The following RAB3GAP1 variants were observed in gnomAD, a reference collection of about 807,000 sequenced individuals.
RAB3GAP1 encodes rab3 GTPase-activating protein catalytic subunit.
Under a neutral mutation model 130.7 loss-of-function variants are expected in RAB3GAP1, and 86 were observed. The observed-to-expected ratio is 0.66, with a 90% CI of 0.55 to 0.79. RAB3GAP1 has a LOEUF of 0.79. Ranked by LOEUF, RAB3GAP1 falls within the 30% of genes least tolerant of loss-of-function variation. The pLI is 0.00. For synonymous variants in RAB3GAP1, 367 were observed against 401.7 expected, an observed-to-expected ratio of 0.91 and a Z score of 1.03; for missense variants, 1,029 against 1,169.4, an observed-to-expected ratio of 0.88 and a Z score of 1.75.
At chr2:135,125,964 T>A (rs2104935686) in intron 9 of RAB3GAP1, among the ~76,000 whole-genome samples, 1 of 152,352 alleles carries the variant, frequency 6.6e-6, no homozygotes, top group South Asian at 2.1e-4. Context: ...GGGTTATTTA[T>A]GCTTTTTGGC....
chr2:135,081,396 A>G (rs1689817261), intron 3 of RAB3GAP1, among the ~76,000 whole-genome samples: 1 of 138,822 alleles, frequency 7.2e-6, no homozygotes, highest in Admixed American at 7.5e-5. Context: ...ATATATGTAT[A>G]TATGTGTGTG....
At chr2:135,097,953 C>T (rs1690345165) in intron 5 of RAB3GAP1, among the ~76,000 whole-genome samples, 1 of 152,122 alleles carries the variant, frequency 6.6e-6, no homozygotes. Flanking sequence ...TAGGAAACTG[C>T]AAAACATTTC....
rs901991646 is a variant in RAB3GAP1, at chr2:135,126,327, A to G, written c.899+78A>G. ...AACTCTCAAATTGCTAGTAATTTTT[A>G]TATGCATTTTTTATTATTTTGTTTT... On this transcript the variant is annotated intron_variant, in intron 10 of 23. Coordinates refer to ENST00000264158, the MANE Select transcript of RAB3GAP1 (RefSeq NM_012233.3). 3.0e-5 allele frequency: 34 copies of G among 1,152,320 alleles called. No homozygotes were observed. The African/African-American group carries it at 4.7e-4, about 16-fold the overall frequency. 71.4% of individuals were successfully genotyped at this position (1,152,320 alleles called of 1,614,324 possible).
At chr2:135,129,956 T>C in intron 11 of RAB3GAP1, 39 bp from the exon 12 acceptor site, 1 of 1,327,618 alleles carries the variant, frequency 7.5e-7, no homozygotes, top group Non-Finnish European at 1.1e-6. Flanking sequence ...TTTTTTTTTT[T>C]TCAGTTAAGT....
intron 5 of RAB3GAP1, among the ~76,000 whole-genome samples, chr2:135,097,037 T>C (rs1347086540): frequency 1.3e-5 from 2 of 152,156 alleles, no homozygotes. Context: ...ATCAACGTAG[T>C]AAAATTGGAC....
Position 135,135,655 on chromosome 2 carries a change from C to T in RAB3GAP1, c.1646C>T (p.Ala549Val), listed in dbSNP as rs1691658042. 1 of 1,613,474 alleles carries T rather than the reference C, an allele frequency of 6.2e-7. No homozygotes were observed. Among genetic ancestry groups the T allele is most frequent in the East Asian group, 2.2e-5 (1 of 44,878 alleles). ...GTCACTAATATATATCCAGGGGATG[C>T]TGGAAAAGCAGGAGACCAGTTGGTG... ...SDVTNIYPGD[A>V]GKAGDQLVPD... Residue 549 changes from alanine to valine, a missense_variant, in exon 17 of 24, where the codon GCT becomes GTT. Coordinates refer to ENST00000264158, the MANE Select transcript of RAB3GAP1 (RefSeq NM_012233.3).
intron 3 of RAB3GAP1, among the ~76,000 whole-genome samples, chr2:135,069,453 T>C (rs1689409032): frequency 6.6e-6 from 1 of 152,196 alleles, no homozygotes; most frequent in African/African-American, 2.4e-5. Flanking sequence ...AGGTTTTTGA[T>C]TTAGTGATTT....
downstream of RAB3GAP1, among the ~76,000 whole-genome samples, chr2:135,174,738 T>C (rs1692957820): frequency 1.3e-5 from 2 of 152,266 alleles, no homozygotes; most frequent in Admixed American, 6.5e-5. Flanking sequence ...CTGTGTTATC[T>C]TGCCTATATG....
chr2:135,066,431 A>T (rs1007063076), intron 3 of RAB3GAP1, among the ~76,000 whole-genome samples: 2 of 152,242 alleles, frequency 1.3e-5, no homozygotes, highest in Non-Finnish European at 2.9e-5. Context: ...ACAGACTTCA[A>T]CAGTTAGTTA....
chr2:135,164,595 T>A lies in RAB3GAP1; in HGVS notation c.2608T>A (p.Phe870Ile). ...QEEEKEDLER[F>I]VSCLLEQPEV... The stretch of plus-strand genomic sequence containing the variant: ...TCATTGCCTGTCTCTGTCTCCTAGG[T>A]TTGTGAGTTGCCTGCTGGAGCAGCC... The change falls in exon 23 of 24, where the codon TTT becomes ATT. Residue 870 changes from phenylalanine to isoleucine, a missense_variant and splice_region_variant. This residue lies in a region of RAB3GAP1 where 146 missense variants were observed against 143.7 expected (regional missense o/e 1.02). Coordinates refer to ENST00000264158, the MANE Select transcript of RAB3GAP1 (RefSeq NM_012233.3). 6.2e-7 allele frequency: 1 copy of A among 1,609,026 alleles called. No homozygotes were observed. The highest frequency in any genetic ancestry group is 8.5e-7 in the Non-Finnish European group (1 of 1,176,112).
chr2:135,082,731 G>A (rs1034963604), intron 3 of RAB3GAP1, among the ~76,000 whole-genome samples: 9 of 152,004 alleles, frequency 5.9e-5, no homozygotes, highest in Non-Finnish European at 1.0e-4. Flanking sequence ...GCGAGCCACC[G>A]TGACCGGCCA....
Position 135,126,167 on chromosome 2 carries a change from T to G in RAB3GAP1, c.831-14T>G, listed in dbSNP as rs1553446155. The G allele has an allele frequency of 6.3e-7, 1 of 1,596,788 alleles. No individual in the cohort carries two copies. The highest frequency in any genetic ancestry group is 8.6e-7 in the Non-Finnish European group (1 of 1,164,554). ...TCAGTATTAAAGCTTTTGGGTATAT[T>G]TTATGTTTTTTAGTGAACTCCATTT... is the stretch of plus-strand genomic sequence containing the variant. On this transcript the variant is annotated splice_polypyrimidine_tract_variant and intron_variant, in intron 9 of 23. Coordinates refer to ENST00000264158, the MANE Select transcript of RAB3GAP1 (RefSeq NM_012233.3).
chr2:135,083,960 G>A (rs1305226351), intron 3 of RAB3GAP1, among the ~76,000 whole-genome samples: 1 of 151,788 alleles, frequency 6.6e-6, no homozygotes, highest in Non-Finnish European at 1.5e-5. Flanking sequence ...AATTTGGGTT[G>A]TTGACCGGGT....
At chr2:135,097,376 C>T (rs1192557320) in intron 5 of RAB3GAP1, among the ~76,000 whole-genome samples, 2 of 151,958 alleles carry the variant, frequency 1.3e-5, no homozygotes, top group African/African-American at 4.8e-5. Context: ...CCACCATGCC[C>T]GGCTAAGTTG....
At chr2:135,125,488 T>C (rs1691322594) in intron 9 of RAB3GAP1, among the ~76,000 whole-genome samples, 1 of 152,196 alleles carries the variant, frequency 6.6e-6, no homozygotes, top group Admixed American at 6.5e-5. Flanking sequence ...AAATGAGGCA[T>C]AGTAAGAGAT....
chr2:135,163,123 C>G (rs1467382686), intron 22 of RAB3GAP1, 22 bp downstream of exon 22: 1 of 1,556,298 alleles, frequency 6.4e-7, no homozygotes, highest in Admixed American at 1.7e-5. Flanking sequence ...TTGGCTAATT[C>G]AGTTTTGTCT....
At chr2:135,082,516 G>C (rs1247435072) in intron 3 of RAB3GAP1, among the ~76,000 whole-genome samples, 2 of 150,340 alleles carry the variant, frequency 1.3e-5, no homozygotes, top group African/African-American at 4.9e-5. Context: ...TCTCAGCTCA[G>C]TGCAACCTTC....
chr2:135,117,554 T>TGC lies in RAB3GAP1; in HGVS notation c.648+2173_648+2174insGC, dbSNP rs1408178430. On this transcript the variant is annotated intron_variant, in intron 7 of 23. Transcript: ENST00000264158. ...CTGCTTCTTCTTCTGCTTCTTCTTC[T>TGC]TCTGCTTCTTCTTCTGCTTCTTCTT... Among the ~76,000 whole-genome samples, 265 of 126,720 alleles carry TGC rather than the reference T, an allele frequency of 2.1e-3. 2 individuals are homozygous for TGC. The highest frequency in any genetic ancestry group is 5.7e-3 in the African/African-American group (225 of 39,152). The allele number at this position is 126,720 out of a possible 152,430, so 83.1% of individuals were successfully genotyped here.
chr2:135,165,321 C>T (rs889610838), intron 23 of RAB3GAP1, among the ~76,000 whole-genome samples: 2 of 152,120 alleles, frequency 1.3e-5, no homozygotes, highest in African/African-American at 4.8e-5. Context: ...CTCTGGCATC[C>T]TACAGATAAT....
Sources: allele counts gnomAD v4.1 joint callset (sites outside exome capture counted in the v4.1 genomes callset), GRCh38; gene constraint gnomAD v4.1.1; regional missense constraint gnomAD v4.1.1; transcripts MANE v1.5; gene names NCBI Gene and HGNC (gene_info 2026-07-23, HGNC 2026-07-21).